Variants in HS3ST4 observed in about 807,000 individuals in gnomAD.
HS3ST4 encodes the protein heparan sulfate-glucosamine 3-sulfotransferase 4, also known as heparan sulfate glucosamine 3-O-sulfotransferase 4.
A neutral mutation model predicts 29.2 loss-of-function variants in HS3ST4; 17 were observed. The ratio of observed to expected loss-of-function variants is 0.58; its 90% CI spans 0.40 to 0.87. The LOEUF (loss-of-function observed/expected upper bound fraction) is 0.87. Among genes scored for constraint, HS3ST4 ranks in the 40% least tolerant of loss-of-function variants. The pLI is 0.00. For missense variants in HS3ST4, 627 were observed against 634.5 expected (o/e 0.99, Z 0.13); for synonymous variants, 314 against 285.7 (o/e 1.10, Z -1.00).
At chr16:26,077,723 A>T (rs1052693227) in intron 1 of HS3ST4, among the ~76,000 whole-genome samples, 2 of 152,250 alleles carry the variant, frequency 1.3e-5, no homozygotes, top group Non-Finnish European at 2.9e-5. Flanking sequence ...AAGGACATTT[A>T]TGTAGATATG....
chr16:26,028,535 G>T (rs1360707464), intron 1 of HS3ST4, among the ~76,000 whole-genome samples: 1 of 152,148 alleles, frequency 6.6e-6, no homozygotes, highest in East Asian at 1.9e-4. Context: ...GCGTCCCAAA[G>T]TGTTGGAGTT....
chr16:26,103,391 A>G (rs994973359), intron 1 of HS3ST4, among the ~76,000 whole-genome samples: 2 of 152,126 alleles, frequency 1.3e-5, no homozygotes, highest in Admixed American at 6.6e-5. Flanking sequence ...TGGAATTACA[A>G]TTCTTCTCTA....
At chr16:25,796,137 C>T in intron 1 of HS3ST4, among the ~76,000 whole-genome samples, 1 of 152,108 alleles carries the variant, frequency 6.6e-6, no homozygotes, top group East Asian at 1.9e-4. Context: ...TTGCCTCCAC[C>T]CTCGTGCAAT....
In HS3ST4 at chr16:26,014,485, C is replaced by A. The variant is rs116060681; in HGVS notation, c.735-121127C>A. Among the ~76,000 whole-genome samples the A allele has an allele frequency of 8.0e-3, 1,225 of 152,270 alleles. 25 individuals are homozygous for A. The highest frequency in any genetic ancestry group is 0.028 in the African/African-American group (1,153 of 41,546). ...CCTATAGGTGGTTTCTCATTTCACA[C>A]CCTCCTCTGACTCTCCATCCTCACA... On this transcript the variant is annotated intron_variant, in intron 1 of 1. Transcript: ENST00000331351.
intron 1 of HS3ST4, among the ~76,000 whole-genome samples, chr16:26,122,446 A>T (rs189655820): frequency 6.6e-6 from 1 of 152,046 alleles, no homozygotes; most frequent in East Asian, 1.9e-4. Context: ...AAAACCAATG[A>T]TCACATTGCA....
At chr16:25,788,415 C>CAAAAA (rs11384547) in intron 1 of HS3ST4, among the ~76,000 whole-genome samples, 5 of 143,100 alleles carry the variant, frequency 3.5e-5, no homozygotes, top group African/African-American at 1.3e-4. Flanking sequence ...AATTCTGTCT[C>CAAAAA]AAAAAAAAAA....
At chr16:25,696,929 G>A (rs1266359527) in intron 1 of HS3ST4, among the ~76,000 whole-genome samples, 5 of 152,202 alleles carry the variant, frequency 3.3e-5, no homozygotes, top group Admixed American at 3.3e-4. Flanking sequence ...ATATGTAGCA[G>A]CATTTCCACT....
At chr16:26,110,856 C>T (rs528808195) in intron 1 of HS3ST4, among the ~76,000 whole-genome samples, 2 of 152,220 alleles carry the variant, frequency 1.3e-5, no homozygotes, top group African/African-American at 4.8e-5. Flanking sequence ...CACCGGCCTC[C>T]TTCTTGTCTG....
chr16:26,109,244 C>T (rs1403009475), intron 1 of HS3ST4, among the ~76,000 whole-genome samples: 1 of 152,172 alleles, frequency 6.6e-6, no homozygotes, highest in Non-Finnish European at 1.5e-5. Flanking sequence ...GTTGTTGAGG[C>T]AGTAAAAGCT....
intron 1 of HS3ST4, among the ~76,000 whole-genome samples, chr16:26,024,958 A>G (rs944365206): frequency 3.9e-5 from 6 of 152,096 alleles, no homozygotes; most frequent in Admixed American, 6.5e-5. Flanking sequence ...GTGGAATATG[A>G]CTTATCTTTA....
At chr16:26,081,285 C>T (rs1476755201) in intron 1 of HS3ST4, among the ~76,000 whole-genome samples, 1 of 98,060 alleles carries the variant, frequency 1.0e-5, no homozygotes, top group Non-Finnish European at 2.1e-5. Flanking sequence ...GAAATCCTGT[C>T]TCAAAAAAAA....
At chr16:26,020,614 T>C (rs1969404265) in intron 1 of HS3ST4, among the ~76,000 whole-genome samples, 1 of 152,206 alleles carries the variant, frequency 6.6e-6, no homozygotes, top group African/African-American at 2.4e-5. Context: ...GCTGCTGCTC[T>C]GGGAAACACA....
intron 1 of HS3ST4, among the ~76,000 whole-genome samples, chr16:26,134,194 A>T (rs1291153284): frequency 6.6e-6 from 1 of 152,068 alleles, no homozygotes; most frequent in Non-Finnish European, 1.5e-5. Context: ...GAACCAAGAG[A>T]TACTGACCCT....
At chr16:25,833,304 TTCTTGATCCAAGATTGATCTTGGAGTCAA>T (rs570036711) in intron 1 of HS3ST4, among the ~76,000 whole-genome samples, 16 of 152,248 alleles carry the variant, frequency 1.1e-4, no homozygotes, top group African/African-American at 3.9e-4. Context: ...AAATCTTGGA[TTCTTGATCCAAGATTGATCTTGGAGTCAA>T]TCTTGATCTT....
chr16:26,117,422 T>C (rs1038447917), intron 1 of HS3ST4, among the ~76,000 whole-genome samples: 1 of 152,240 alleles, frequency 6.6e-6, no homozygotes, highest in Non-Finnish European at 1.5e-5. Flanking sequence ...GTAACTTGCC[T>C]TCTAGCGTGA....
intron 1 of HS3ST4, among the ~76,000 whole-genome samples, chr16:25,935,685 T>C (rs1968510905): frequency 6.6e-6 from 1 of 152,200 alleles, no homozygotes; most frequent in Non-Finnish European, 1.5e-5. Flanking sequence ...TTCCATTGTC[T>C]GGATGTGACA....
chr16:25,757,588 A>T (rs996358466), intron 1 of HS3ST4, among the ~76,000 whole-genome samples: 6 of 148,620 alleles, frequency 4.0e-5, no homozygotes, highest in African/African-American at 1.5e-4. Flanking sequence ...GTAATATATT[A>T]TATAATATAT....
chr16:25,768,729 A>G (rs755071286), intron 1 of HS3ST4, among the ~76,000 whole-genome samples: 2 of 152,158 alleles, frequency 1.3e-5, no homozygotes, highest in African/African-American at 2.4e-5. Flanking sequence ...AGAGATGGTT[A>G]TATATCAGAA....
At chr16:26,074,408 T>C (rs191665617) in intron 1 of HS3ST4, among the ~76,000 whole-genome samples, 142 of 152,298 alleles carry the variant, frequency 9.3e-4, no homozygotes, top group African/African-American at 3.4e-3. Flanking sequence ...CATACATTTA[T>C]TGGGGGCTGG....
Sources: gnomAD v4.1 joint callset for allele counts (sites outside exome capture counted in the v4.1 genomes callset) on GRCh38, gnomAD v4.1.1 for gene constraint, MANE v1.5 for transcripts, NCBI Gene and HGNC (gene_info 2026-07-23, HGNC 2026-07-21) for gene names.